TSC22D1: variants seen among roughly 807,000 people sequenced by gnomAD.
The protein encoded by TSC22D1 is TSC22 domain family protein 1.
In TSC22D1, 9 loss-of-function variants were observed where a neutral mutation model predicts 74.2. The ratio of observed to expected loss-of-function variants is 0.12; its 90% CI spans 0.07 to 0.21. The LOEUF (loss-of-function observed/expected upper bound fraction) is 0.21. Ranked by LOEUF, TSC22D1 falls within the 10% of genes least tolerant of loss-of-function variation. TSC22D1 has a pLI of 1.00. For synonymous variants in TSC22D1, 586 were observed against 492.5 expected (o/e 1.19, Z -2.51); for missense variants, 1,427 against 1,304.7 (o/e 1.09, Z -1.44).
chr13:44,565,174 C>A (rs558346955), intron 1 of TSC22D1, among the ~76,000 whole-genome samples: 4 of 152,122 alleles, frequency 2.6e-5, no homozygotes, highest in African/African-American at 7.2e-5. Context: ...AGCATACAAA[C>A]TGTCTTTACA....
chr13:44,459,117 C>T (rs992005102), intron 1 of TSC22D1, among the ~76,000 whole-genome samples: 3 of 152,154 alleles, frequency 2.0e-5, no homozygotes, highest in African/African-American at 7.2e-5. Flanking sequence ...CACTCATGGC[C>T]GTCCATGGAC....
intron 1 of TSC22D1, among the ~76,000 whole-genome samples, chr13:44,438,123 C>CA (rs1370217728): frequency 3.3e-5 from 5 of 152,098 alleles, no homozygotes; most frequent in African/African-American, 1.2e-4. Context: ...ACAACATAAA[C>CA]AGTTTCCAAG....
chr13:44,560,783 C>G (rs1431118454), intron 1 of TSC22D1, among the ~76,000 whole-genome samples: 1 of 152,166 alleles, frequency 6.6e-6, no homozygotes, highest in East Asian at 1.9e-4. Flanking sequence ...ACCCATGATT[C>G]CTTAAAACAA....
At chr13:44,474,886 T>A (rs988789556) in intron 1 of TSC22D1, among the ~76,000 whole-genome samples, 2 of 152,154 alleles carry the variant, frequency 1.3e-5, no homozygotes, top group African/African-American at 4.8e-5. Context: ...GACAACTTTT[T>A]CATTCCCAGT....
intron 1 of TSC22D1, among the ~76,000 whole-genome samples, chr13:44,528,527 A>T (rs988898947): frequency 1.3e-5 from 2 of 152,024 alleles, no homozygotes; most frequent in Non-Finnish European, 2.9e-5. Context: ...AATTTTTGGA[A>T]TGCAGCAGAA....
At chr13:44,441,583 G>A (rs1048792175) in intron 1 of TSC22D1, among the ~76,000 whole-genome samples, 1 of 152,082 alleles carries the variant, frequency 6.6e-6, no homozygotes, top group Admixed American at 6.5e-5. Flanking sequence ...AATGGAAAAA[G>A]CAAGAAATAG....
intron 1 of TSC22D1, among the ~76,000 whole-genome samples, chr13:44,510,200 A>G (rs1424186266): frequency 2.6e-5 from 4 of 151,292 alleles, no homozygotes; most frequent in Non-Finnish European, 5.9e-5. Context: ...CCTGACCAAC[A>G]TGGAGAAACC....
At chr13:44,502,637 G>A (rs61947967) in intron 1 of TSC22D1, among the ~76,000 whole-genome samples, 17,441 of 152,188 alleles carry the variant, frequency 0.11, 1,040 homozygotes, top group Non-Finnish European at 0.13. Flanking sequence ...ACTATACAGT[G>A]GGTAGGTTAT....
At chr13:44,531,227 ACT>A (rs1162791305) in intron 1 of TSC22D1, among the ~76,000 whole-genome samples, 1 of 151,982 alleles carries the variant, frequency 6.6e-6, no homozygotes, top group Non-Finnish European at 1.5e-5. Flanking sequence ...GTAAATGGGA[ACT>A]CTCTACACTT....
intron 1 of TSC22D1, among the ~76,000 whole-genome samples, chr13:44,450,527 A>G (rs1264587975): frequency 1.3e-5 from 2 of 152,164 alleles, no homozygotes; most frequent in Non-Finnish European, 1.5e-5. Context: ...GAGGGCCAAA[A>G]CCAAGGAGCA....
chr13:44,504,329 TGGG>T (rs1412270563), intron 1 of TSC22D1, among the ~76,000 whole-genome samples: 2 of 149,498 alleles, frequency 1.3e-5, no homozygotes, highest in East Asian at 4.0e-4. Context: ...TAAAAGTCAC[TGGG>T]TGGGCCCAGT....
chr13:44,568,023 A>G (rs529036985), intron 1 of TSC22D1, among the ~76,000 whole-genome samples: 4 of 152,340 alleles, frequency 2.6e-5, no homozygotes, highest in African/African-American at 7.2e-5. Flanking sequence ...CATACAATAT[A>G]TAAGATATCA....
chr13:44,439,002 AGCT>A (rs778247338), intron 1 of TSC22D1, among the ~76,000 whole-genome samples: 2 of 152,256 alleles, frequency 1.3e-5, no homozygotes, highest in South Asian at 2.1e-4. Flanking sequence ...TTAAATTCCA[AGCT>A]GCAGTTTTAA....
At chr13:44,467,359 A>C (rs530627079) in intron 1 of TSC22D1, among the ~76,000 whole-genome samples, 45 of 152,284 alleles carry the variant, frequency 3.0e-4, no homozygotes, top group African/African-American at 9.9e-4. Flanking sequence ...TATCACTAAG[A>C]TCCCAAAAGC....
chr13:44,507,139 A>T (rs2137998052), intron 1 of TSC22D1, among the ~76,000 whole-genome samples: 1 of 152,338 alleles, frequency 6.6e-6, no homozygotes, highest in Middle Eastern at 3.4e-3. Flanking sequence ...AGTCAATTGC[A>T]GAGTTTAGAC....
intron 1 of TSC22D1, among the ~76,000 whole-genome samples, chr13:44,467,178 C>A (rs573881918): frequency 0.021 from 3,084 of 149,852 alleles, 90 homozygotes; most frequent in African/African-American, 0.068. Context: ...AACAAAAAAA[C>A]AAAAAAAAAT....
intron 1 of TSC22D1, among the ~76,000 whole-genome samples, chr13:44,525,157 A>AG (rs937670155): frequency 3.3e-5 from 5 of 152,304 alleles, no homozygotes; most frequent in African/African-American, 1.2e-4. Flanking sequence ...GTGAAAGCCC[A>AG]GGGGCACTGT....
intron 1 of TSC22D1, among the ~76,000 whole-genome samples, chr13:44,506,263 T>A (rs1469618994): frequency 6.6e-6 from 1 of 152,104 alleles, no homozygotes; most frequent in Admixed American, 6.6e-5. Context: ...AACAGTTGAG[T>A]AGGAATTCTG....
In TSC22D1 at chr13:44,434,686, T is replaced by C. The variant is rs766020776; in HGVS notation, c.3162A>G (p.Pro1054=). ...GGGCGGGGGGCTGTGTGGTGCCCTGTGGCTGGGTGGTGGCAGGGGGGGAGC... is the reference window on the plus strand; with the variant it reads ...GGGCGGGGGGCTGTGTGGTGCCCTGCGGCTGGGTGGTGGCAGGGGGGGAGC... ...QTGSPPATTQ[P]QGTTQPPAQP... The change falls in exon 3 of 3, where the codon CCA becomes CCG. Residue 1054 remains proline (P), a synonymous_variant. Coordinates refer to ENST00000458659, the MANE Select transcript of TSC22D1 (RefSeq NM_183422.4). 4 of 1,609,136 alleles carry C rather than the reference T, an allele frequency of 2.5e-6. No individual in the cohort carries two copies. The Admixed American group carries it at 5.0e-5, about 20-fold the overall frequency.
Sources: gnomAD v4.1 joint callset for allele counts (sites outside exome capture counted in the v4.1 genomes callset) on GRCh38, gnomAD v4.1.1 for gene constraint, MANE v1.5 for transcripts, NCBI Gene and HGNC (gene_info 2026-07-23, HGNC 2026-07-21) for gene names.